The following CALN1 variants were observed in gnomAD, a reference collection of about 807,000 sequenced individuals.
The protein encoded by CALN1 is calcium-binding protein 8.
CALN1 carries 17 observed loss-of-function variants against 30.6 expected under a neutral mutation model. That is an observed-to-expected ratio of 0.56 (90% CI 0.38 to 0.83). The LOEUF is 0.83. CALN1 is among the 40% of genes least tolerant of loss of function. The pLI is 0.00. For synonymous variants in CALN1, 156 were observed against 131.4 expected (o/e 1.19, Z -1.28); for missense variants, 291 against 354.9 (o/e 0.82, Z 1.45).
chr7:71,972,132 C>T (rs554662409), intron 5 of CALN1, among the ~76,000 whole-genome samples: 20 of 152,156 alleles, frequency 1.3e-4, no homozygotes, highest in African/African-American at 4.8e-4. Context: ...TAAATGAATA[C>T]ACAATACCCT....
chr7:72,489,167 C>G, the CALN1 span, among the ~76,000 whole-genome samples: 2 of 152,130 alleles, frequency 1.3e-5, no homozygotes, highest in Admixed American at 1.3e-4. Flanking sequence ...CAATACTCCT[C>G]CTCCAGGCCA....
intron 5 of CALN1, among the ~76,000 whole-genome samples, chr7:71,859,469 C>T (rs538404640): frequency 2.0e-5 from 3 of 152,154 alleles, no homozygotes; most frequent in Non-Finnish European, 4.4e-5. Flanking sequence ...GGGTTGTTCC[C>T]GTCAGAGGCC....
chr7:71,941,887 C>T (rs1796150847), intron 5 of CALN1, among the ~76,000 whole-genome samples: 1 of 152,006 alleles, frequency 6.6e-6, no homozygotes, highest in Non-Finnish European at 1.5e-5. Context: ...TTCTGACTGC[C>T]CCTCATTAGG....
At chr7:72,080,904 G>T (rs1313214145) in intron 4 of CALN1, among the ~76,000 whole-genome samples, 1 of 152,100 alleles carries the variant, frequency 6.6e-6, no homozygotes, top group African/African-American at 2.4e-5. Flanking sequence ...ACACTTAGGT[G>T]CATTTTCAGC....
intron 3 of CALN1, among the ~76,000 whole-genome samples, chr7:72,205,580 A>ATATATATATATATATATATG (rs1242860039): frequency 7.6e-6 from 1 of 132,038 alleles, no homozygotes; most frequent in African/African-American, 2.9e-5. Flanking sequence ...ATATATATAT[A>ATATATATATATATATATATG]TATATATTCA....
chr7:72,247,311 C>T (rs1438210642), intron 3 of CALN1, among the ~76,000 whole-genome samples: 3 of 134,472 alleles, frequency 2.2e-5, no homozygotes, highest in South Asian at 2.4e-4. Context: ...TGCAGTGGCG[C>T]GACGTTGGCT....
chr7:71,900,788 C>T (rs1050906890), intron 5 of CALN1, among the ~76,000 whole-genome samples: 25 of 152,138 alleles, frequency 1.6e-4, no homozygotes, highest in Admixed American at 7.2e-4. Flanking sequence ...AGGACTGTGT[C>T]GTTATGCTGA....
At chr7:72,455,595 C>T in the CALN1 span, among the ~76,000 whole-genome samples, 1 of 151,902 alleles carries the variant, frequency 6.6e-6, no homozygotes, top group South Asian at 2.1e-4. Context: ...AAGAAATGTA[C>T]AGTACAGCCC....
At chr7:72,437,666 CTTTCTTTCCTTT>C (rs1223942342) in intron 1 of CALN1, among the ~76,000 whole-genome samples, 1 of 40,008 alleles carries the variant, frequency 2.5e-5, no homozygotes, top group African/African-American at 1.1e-4. Flanking sequence ...TCTTTTCTTT[CTTTCTTTCCTTT>C]TTTCTTTCCT....
intron 2 of CALN1, among the ~76,000 whole-genome samples, chr7:72,308,960 T>C (rs933008282): frequency 3.9e-5 from 6 of 152,234 alleles, no homozygotes; most frequent in Admixed American, 6.5e-5. Flanking sequence ...GGGCTCACTA[T>C]GTGCTAGGCA....
intron 2 of CALN1, among the ~76,000 whole-genome samples, chr7:72,329,367 A>C (rs953268283): frequency 6.6e-6 from 1 of 152,212 alleles, no homozygotes; most frequent in Non-Finnish European, 1.5e-5. Context: ...TGATCTTTGG[A>C]AAATATAGAC....
chr7:72,273,666 G>T (rs1004765255), intron 3 of CALN1, among the ~76,000 whole-genome samples: 4 of 151,812 alleles, frequency 2.6e-5, no homozygotes, highest in African/African-American at 9.7e-5. Flanking sequence ...CTACAGGCAT[G>T]CACCAACACA....
At chr7:72,348,348 C>T (rs191499617) in intron 2 of CALN1, among the ~76,000 whole-genome samples, 7 of 152,034 alleles carry the variant, frequency 4.6e-5, no homozygotes, top group African/African-American at 1.7e-4. Context: ...GTTTCTGTAT[C>T]GCTGCAGAGG....
intron 5 of CALN1, among the ~76,000 whole-genome samples, chr7:71,911,209 G>T (rs1164037045): frequency 6.6e-6 from 1 of 152,122 alleles, no homozygotes; most frequent in African/African-American, 2.4e-5. Context: ...CCCAAACCAG[G>T]CCCCACACTT....
At chr7:72,391,218 A>G (rs1805558083) in intron 2 of CALN1, among the ~76,000 whole-genome samples, 1 of 152,210 alleles carries the variant, frequency 6.6e-6, no homozygotes, top group Non-Finnish European at 1.5e-5. Context: ...GTAGATCCAG[A>G]GTCCCAGATG....
At chr7:72,402,770 G>A (rs1164613715) in intron 2 of CALN1, among the ~76,000 whole-genome samples, 1 of 152,178 alleles carries the variant, frequency 6.6e-6, no homozygotes, top group Non-Finnish European at 1.5e-5. Flanking sequence ...TTTGGTGGGG[G>A]ATGGGGTGAG....
chr7:71,906,707 C>T (rs1794156675), intron 5 of CALN1, among the ~76,000 whole-genome samples: 1 of 152,092 alleles, frequency 6.6e-6, no homozygotes, highest in Non-Finnish European at 1.5e-5. Context: ...GAGCAAACTT[C>T]AAAATAATGC....
intron 4 of CALN1, among the ~76,000 whole-genome samples, chr7:72,088,221 C>T (rs1805611154): frequency 6.6e-6 from 1 of 151,962 alleles, no homozygotes; most frequent in South Asian, 2.1e-4. Flanking sequence ...CAACATAACA[C>T]CAGGCACCAC....
intron 3 of CALN1, among the ~76,000 whole-genome samples, chr7:72,201,905 C>A (rs1327725861): frequency 2.0e-5 from 3 of 152,164 alleles, no homozygotes; most frequent in Admixed American, 6.6e-5. Context: ...CCCACACTCC[C>A]TATCTGTTGG....
Sources: allele counts gnomAD v4.1 joint callset (sites outside exome capture counted in the v4.1 genomes callset), GRCh38; gene constraint gnomAD v4.1.1; transcripts MANE v1.5; gene names NCBI Gene and HGNC (gene_info 2026-07-23, HGNC 2026-07-21).